Variants in CTNNA2 observed in about 807,000 individuals in gnomAD.
CTNNA2 encodes the protein catenin alpha-2.
CTNNA2 carries 42 observed loss-of-function variants against 101.0 expected under a neutral mutation model. The ratio of observed to expected loss-of-function variants is 0.42; its 90% confidence interval spans 0.32 to 0.54. The LOEUF is 0.54. Ranked by LOEUF, CTNNA2 falls within the 20% of genes least tolerant of loss-of-function variation. The probability of loss-of-function intolerance (pLI) is 0.14; values close to 1 mark genes in which losing one functional copy is unlikely to be tolerated. For synonymous variants in CTNNA2, 450 were observed against 456.4 expected, an observed-to-expected ratio of 0.99 and a Z score of 0.18; for missense variants, 871 against 1,223.1, an observed-to-expected ratio of 0.71 and a Z score of 4.29.
chr2:80,473,966 A>G (rs1685514861), intron 9 of CTNNA2, among the ~76,000 whole-genome samples: 1 of 152,140 alleles, frequency 6.6e-6, no homozygotes, highest in African/African-American at 2.4e-5. Context: ...TTCCAAAACC[A>G]TCTGTCTTAC....
intron 4 of CTNNA2, among the ~76,000 whole-genome samples, chr2:79,440,565 A>G (rs1678766965): frequency 6.6e-6 from 1 of 152,160 alleles, no homozygotes; most frequent in African/African-American, 2.4e-5. Context: ...ACAAAGACCT[A>G]GTCCTTAGGG....
At chr2:80,637,006 G>C (rs565950524) in intron 18 of CTNNA2, among the ~76,000 whole-genome samples, 1 of 152,150 alleles carries the variant, frequency 6.6e-6, no homozygotes, top group African/African-American at 2.4e-5. Flanking sequence ...CCCTAAAACT[G>C]TAATATTCAG....
At chr2:79,690,814 T>G (rs1684244493) in intron 2 of CTNNA2, among the ~76,000 whole-genome samples, 1 of 151,928 alleles carries the variant, frequency 6.6e-6, no homozygotes, top group Admixed American at 6.6e-5. Flanking sequence ...TTTCTTGAAT[T>G]TATACAGTAG....
At chr2:79,402,341 C>T (rs748135482) in intron 4 of CTNNA2, among the ~76,000 whole-genome samples, 2 of 151,592 alleles carry the variant, frequency 1.3e-5, no homozygotes, top group Admixed American at 1.3e-4. Context: ...AACATTCTAC[C>T]CAAAAACTGC....
chr2:79,685,315 A>G (rs1220429318), intron 2 of CTNNA2, among the ~76,000 whole-genome samples: 1 of 152,228 alleles, frequency 6.6e-6, no homozygotes, highest in Admixed American at 6.5e-5. Flanking sequence ...ATAGTCCAGT[A>G]ATAGATACAT....
intron 3 of CTNNA2, among the ~76,000 whole-genome samples, chr2:79,764,320 A>G (rs761740251): frequency 6.6e-6 from 1 of 152,202 alleles, no homozygotes; most frequent in African/African-American, 2.4e-5. Context: ...TTAGCTGTAT[A>G]TTTCCTGTTA....
At chr2:79,771,181 T>G (rs1473354502) in intron 3 of CTNNA2, among the ~76,000 whole-genome samples, 1 of 152,194 alleles carries the variant, frequency 6.6e-6, no homozygotes, top group Non-Finnish European at 1.5e-5. Flanking sequence ...TATGTAAACT[T>G]AATCCTTGTA....
At chr2:80,175,146 T>G (rs1705313670) in intron 7 of CTNNA2, among the ~76,000 whole-genome samples, 1 of 152,188 alleles carries the variant, frequency 6.6e-6, no homozygotes, top group Admixed American at 6.5e-5. Context: ...CAACCCACTC[T>G]TTCGGGATAT....
At chr2:79,658,227 C>G (rs546521485) in intron 2 of CTNNA2, among the ~76,000 whole-genome samples, 2 of 152,000 alleles carry the variant, frequency 1.3e-5, no homozygotes, top group East Asian at 3.9e-4. Flanking sequence ...CAGAGAGGCT[C>G]AATTGTAAAT....
chr2:80,368,865 G>GTATATATA (rs1393726938), intron 7 of CTNNA2, among the ~76,000 whole-genome samples: 58 of 111,326 alleles, frequency 5.2e-4, no homozygotes, highest in Non-Finnish European at 7.7e-4. Flanking sequence ...GTGTGTGTGT[G>GTATATATA]TGTATATATA....
intron 2 of CTNNA2, among the ~76,000 whole-genome samples, chr2:79,657,508 C>T (rs1411920915): frequency 2.0e-5 from 3 of 151,850 alleles, no homozygotes; most frequent in Non-Finnish European, 4.4e-5. Context: ...GCTTGTAGCG[C>T]TGATATTCCA....
intron 7 of CTNNA2, among the ~76,000 whole-genome samples, chr2:80,185,457 A>C (rs1706059253): frequency 6.6e-6 from 1 of 152,210 alleles, no homozygotes; most frequent in Non-Finnish European, 1.5e-5. Flanking sequence ...GAATTGCAAA[A>C]AAGCATGAAT....
intron 9 of CTNNA2, among the ~76,000 whole-genome samples, chr2:80,487,812 C>T (rs1686715812): frequency 6.6e-6 from 1 of 152,196 alleles, no homozygotes; most frequent in Admixed American, 6.5e-5. Flanking sequence ...TGACCTGTGT[C>T]TCTTAGACGC....
intron 2 of CTNNA2, among the ~76,000 whole-genome samples, chr2:79,720,535 T>C (rs1225516252): frequency 1.3e-5 from 2 of 152,170 alleles, no homozygotes; most frequent in Non-Finnish European, 2.9e-5. Flanking sequence ...ATGGAACGCT[T>C]TTCATTTATT....
At chr2:80,387,116 G>A (rs977521329) in intron 7 of CTNNA2, among the ~76,000 whole-genome samples, 1 of 152,002 alleles carries the variant, frequency 6.6e-6, no homozygotes, top group Non-Finnish European at 1.5e-5. Context: ...GTGAAACCCC[G>A]TCTTTATTAA....
chr2:79,736,894 CATGTTTATAT>C (rs1291621866), intron 2 of CTNNA2, among the ~76,000 whole-genome samples: 1 of 152,138 alleles, frequency 6.6e-6, no homozygotes, highest in Admixed American at 6.5e-5. Flanking sequence ...ACAATTTCAC[CATGTTTATAT>C]ATGTATACTC....
At chr2:80,492,890 C>A (rs1008415205) in intron 9 of CTNNA2, among the ~76,000 whole-genome samples, 2 of 152,076 alleles carry the variant, frequency 1.3e-5, no homozygotes, top group Non-Finnish European at 2.9e-5. Flanking sequence ...CCCATAATTC[C>A]CTTGGCGGAC....
In CTNNA2 at chr2:80,535,518, G is replaced by A. The variant is rs1392517109; in HGVS notation, c.1291-9464G>A. On this transcript the variant is annotated intron_variant, in intron 9 of 18. Transcript: ENST00000402739. The stretch of plus-strand genomic sequence containing the variant: ...CAATTGAGGCTCAGAGATGCAACAC[G>A]TCTCACCCAGCTGGTGAGAATAAGA... Among the ~76,000 whole-genome samples the A allele has an allele frequency of 4.6e-5, 7 of 152,080 alleles. No individual in the cohort carries two copies. In the East Asian group the frequency reaches 7.7e-4, roughly 17 times the overall value.
chr2:79,887,517 C>G lies in CTNNA2; in HGVS notation c.852+13175C>G, dbSNP rs141048278. ...GCTCTTAGTTCATTTCCGTTCCCAT[C>G]AGTATGATTGTTAAATCCCTAGTCA... On this transcript the variant is annotated intron_variant, in intron 6 of 18. Transcript: ENST00000402739. Among the ~76,000 whole-genome samples the G allele has an allele frequency of 2.1e-3, 317 of 152,156 alleles. 1 individual carries two copies. Among genetic ancestry groups the G allele is most frequent in the African/African-American group, 7.2e-3 (297 of 41,514 alleles).
Sources: allele counts gnomAD v4.1 joint callset (sites outside exome capture counted in the v4.1 genomes callset), GRCh38; gene constraint gnomAD v4.1.1; transcripts MANE v1.5; gene names NCBI Gene and HGNC (gene_info 2026-07-23, HGNC 2026-07-21).